FYB1: variants seen among roughly 807,000 people sequenced by gnomAD.
The protein encoded by FYB1 is FYN-binding protein 1.
A neutral mutation model predicts 94.1 loss-of-function variants in FYB1; 41 were observed. That is an observed-to-expected ratio of 0.44 (90% confidence interval 0.34 to 0.57). The LOEUF (loss-of-function observed/expected upper bound fraction) is 0.57. Among genes scored for constraint, FYB1 ranks in the 20% least tolerant of loss-of-function variants. The pLI is 0.02. For synonymous variants in FYB1, 367 were observed against 353.2 expected, an observed-to-expected ratio of 1.04 and a Z score of -0.44; for missense variants, 1,050 against 976.8, an observed-to-expected ratio of 1.07 and a Z score of -1.00.
Position 39,106,742 on chromosome 5 carries a change from T to C in FYB1, c.*701A>G, listed in dbSNP as rs1464084950. The C allele has an allele frequency of 1.3e-5, 2 of 152,104 alleles. No individual in the cohort carries two copies. The highest frequency in any genetic ancestry group is 2.9e-5 in the Non-Finnish European group (2 of 67,946). 9.4% of individuals were successfully genotyped at this position (152,104 alleles called of 1,614,324 possible). A position where few individuals can be genotyped will look rare whatever the true frequency, so the allele number is the denominator to read the frequency against. ...AGAGCACAGAATTAAACCATTAGTA[T>C]GTGAATCTGCAAAAAGAGAACTTGT... On this transcript the variant is annotated 3_prime_UTR_variant, in exon 19 of 19. Coordinates refer to ENST00000512982, the MANE Select transcript of FYB1 (RefSeq NM_001465.6).
intron 17 of FYB1, among the ~76,000 whole-genome samples, chr5:39,108,748 A>G (rs1434208844): frequency 2.0e-5 from 3 of 152,086 alleles, no homozygotes; most frequent in African/African-American, 7.2e-5. Flanking sequence ...ATATATAAAT[A>G]TTAGTTACAG....
In FYB1 at chr5:39,130,629, G is replaced by A; in HGVS notation, c.1818-17C>T. On this transcript the variant is annotated splice_polypyrimidine_tract_variant and intron_variant, in intron 9 of 18. Coordinates refer to ENST00000512982, the MANE Select transcript of FYB1 (RefSeq NM_001465.6). Reference sequence around the variant, plus strand: ...TGACTGTGGCTAGAAAAGAAACCCAGAAATATTAAGTTAATCTATGAATTA... The same window carrying A: ...TGACTGTGGCTAGAAAAGAAACCCAAAAATATTAAGTTAATCTATGAATTA... 6.4e-7 allele frequency: 1 copy of A among 1,560,512 alleles called. No homozygotes were observed. The highest frequency in any genetic ancestry group is 8.7e-7 in the Non-Finnish European group (1 of 1,147,996).
At chr5:39,261,302 A>C (rs1243046492) in intron 1 of FYB1, among the ~76,000 whole-genome samples, 2 of 96,002 alleles carry the variant, frequency 2.1e-5, no homozygotes, top group African/African-American at 8.7e-5. Flanking sequence ...CTTAAAGTAG[A>C]ATTAAAAAAA....
intron 1 of FYB1, among the ~76,000 whole-genome samples, chr5:39,244,401 A>ATG (rs146134383): frequency 0.01 from 1,171 of 114,640 alleles, 25 homozygotes; most frequent in African/African-American, 0.085. Flanking sequence ...TGAGATAATC[A>ATG]TGTTTTTTGT....
chr5:39,196,206 T>C (rs2150477468), intron 2 of FYB1, among the ~76,000 whole-genome samples: 1 of 132,580 alleles, frequency 7.5e-6, no homozygotes, highest in Admixed American at 7.8e-5. Flanking sequence ...ATATAATTCT[T>C]TCTTTTTTTT....
chr5:39,118,782 A>G, intron 16 of FYB1, 92 bp downstream of exon 16: 1 of 739,830 alleles, frequency 1.4e-6, no homozygotes, highest in Non-Finnish European at 2.0e-6. Context: ...GATAAGAGTT[A>G]GTAAACACAG....
intron 1 of FYB1, among the ~76,000 whole-genome samples, chr5:39,252,051 A>T (rs1454075048): frequency 6.6e-6 from 1 of 152,198 alleles, no homozygotes; most frequent in Non-Finnish European, 1.5e-5. Context: ...TGGCTGAGGC[A>T]GGAGAATGGC....
intron 16 of FYB1, among the ~76,000 whole-genome samples, chr5:39,114,284 A>G (rs967165734): frequency 1.3e-5 from 2 of 152,148 alleles, no homozygotes; most frequent in Non-Finnish European, 1.5e-5. Flanking sequence ...CTAGTGAGAA[A>G]CTCTAAACAT....
At chr5:39,126,797 G>A (rs542020824) in intron 11 of FYB1, among the ~76,000 whole-genome samples, 9 of 149,524 alleles carry the variant, frequency 6.0e-5, no homozygotes, top group African/African-American at 1.5e-4. Context: ...AGTGGCTCAC[G>A]CCTGTAATCC....
At chr5:39,264,181 G>A (rs1752335059) in intron 1 of FYB1, among the ~76,000 whole-genome samples, 1 of 152,106 alleles carries the variant, frequency 6.6e-6, no homozygotes, top group African/African-American at 2.4e-5. Flanking sequence ...TTCAAGCAGT[G>A]GTAGATGAAC....
chr5:39,271,509 C>T (rs2111779899), intron 1 of FYB1, among the ~76,000 whole-genome samples: 1 of 152,292 alleles, frequency 6.6e-6, no homozygotes, highest in South Asian at 2.1e-4. Context: ...TGCAAATTTC[C>T]AGATCTTGTT....
intron 3 of FYB1, among the ~76,000 whole-genome samples, chr5:39,149,206 A>T (rs1296992606): frequency 6.6e-6 from 1 of 152,160 alleles, no homozygotes; most frequent in African/African-American, 2.4e-5. Flanking sequence ...AATCTTTTAC[A>T]CTCTTAAAAC....
rs1164983081 is a variant in FYB1 at position 39,202,144 on chromosome 5, G to T, written c.817C>A (p.Pro273Thr). The change falls in exon 2 of 19, where the codon CCA becomes ACA. Residue 273 changes from proline to threonine, a missense_variant. Pro to Thr is a conservative substitution (Grantham distance 38, BLOSUM62 -1). Coordinates refer to ENST00000512982, the MANE Select transcript of FYB1 (RefSeq NM_001465.6). ...VLKPAASRGG[P>T]GLSKNGEEKK... ...TCTTCACCATTTTTGGAGAGACCTG[G>T]GCCTCCCCTGCTCGCAGCAGGTTTC... 1.9e-6 allele frequency: 3 copies of T among 1,613,854 alleles called. No homozygotes were observed. Among genetic ancestry groups the T allele is most frequent in the Admixed American group, 1.7e-5 (1 of 60,018 alleles).
intron 16 of FYB1, chr5:39,110,676 T>G (rs975776326): frequency 6.4e-6 from 2 of 310,238 alleles, no homozygotes; most frequent in African/African-American, 2.2e-5. Context: ...ATTAAGCTAC[T>G]GTAGGCTGTA....
chr5:39,110,757 T>G (rs1738997643), intron 16 of FYB1: 1 of 336,678 alleles, frequency 3.0e-6, no homozygotes, highest in Non-Finnish European at 5.6e-6. Flanking sequence ...ATTATAAAAG[T>G]CATTTATTGG....
intron 1 of FYB1, among the ~76,000 whole-genome samples, chr5:39,213,268 T>C (rs1749578835): frequency 6.6e-6 from 1 of 152,176 alleles, no homozygotes; most frequent in Admixed American, 6.5e-5. Flanking sequence ...AAACCCAGGT[T>C]CTGATTCTAA....
At chr5:39,240,481 A>T (rs1337175353) in intron 1 of FYB1, among the ~76,000 whole-genome samples, 3 of 150,084 alleles carry the variant, frequency 2.0e-5, no homozygotes, top group African/African-American at 7.3e-5. Flanking sequence ...TAACAAGCCA[A>T]AATCAATGCC....
At chr5:39,238,732 G>T (rs1431112116) in intron 1 of FYB1, among the ~76,000 whole-genome samples, 2 of 152,058 alleles carry the variant, frequency 1.3e-5, no homozygotes, top group East Asian at 3.9e-4. Context: ...CCAAAACAAA[G>T]ATTAAGGAGC....
chr5:39,229,953 T>C (rs1579741934), intron 1 of FYB1, among the ~76,000 whole-genome samples: 2 of 152,280 alleles, frequency 1.3e-5, no homozygotes, highest in Admixed American at 1.3e-4. Flanking sequence ...TGGGCATCTG[T>C]ACTCTTCAGA....
Sources: gnomAD v4.1 joint callset for allele counts (sites outside exome capture counted in the v4.1 genomes callset) on GRCh38, gnomAD v4.1.1 for gene constraint, MANE v1.5 for transcripts, NCBI Gene and HGNC (gene_info 2026-07-23, HGNC 2026-07-21) for gene names.